Variants in NRDE2 observed in about 807,000 individuals in gnomAD.
The protein encoded by NRDE2 is NRDE-2, necessary for RNA interference, domain containing.
A neutral mutation model predicts 124.2 loss-of-function variants in NRDE2; 76 were observed. That is an observed-to-expected ratio of 0.61 (90% CI 0.51 to 0.74). The LOEUF is 0.74. Among genes scored for constraint, NRDE2 ranks in the 30% least tolerant of loss-of-function variants. NRDE2 has a pLI of 0.00. For synonymous variants in NRDE2, 489 were observed against 528.1 expected (o/e 0.93, Z 1.01); for missense variants, 1,314 against 1,417.3 (o/e 0.93, Z 1.17).
chr14:90,282,679 T>C (rs1204291147), intron 12 of NRDE2, among the ~76,000 whole-genome samples: 1 of 152,142 alleles, frequency 6.6e-6, no homozygotes, highest in Non-Finnish European at 1.5e-5. Context: ...CAAACTTTTT[T>C]TTTTTGAGAT....
In NRDE2 at chr14:90,303,981, TC is replaced by T. The variant is rs1264175875; in HGVS notation, c.958del (p.Glu320ArgfsTer20). On this transcript the variant is annotated frameshift_variant, in exon 5 of 14. Coordinates refer to ENST00000354366, the MANE Select transcript of NRDE2 (RefSeq NM_017970.4). LOFTEE classifies it high-confidence loss of function. ...KVEEFNRRVR[E>X]NPRDTQLWMA... ...CCACAGCTGCGTATCCCGAGGATTC[TC>T]CCGCACCCTCCTGTTAAACTCCTCC... 1 of 1,613,888 alleles carries T rather than the reference TC, an allele frequency of 6.2e-7. No individual in the cohort carries two copies.
chr14:90,285,593 T>A lies in NRDE2; in HGVS notation c.3297+761A>T, dbSNP rs148982713. 7.2e-3 allele frequency among the ~76,000 whole-genome samples: 1,088 copies of A among 151,668 alleles called. 21 individuals are homozygous for A. Among genetic ancestry groups the A allele is most frequent in the African/African-American group, 0.025 (1,055 of 41,414 alleles). ...CTGGGATTACAGGCATGAGCCACCA[T>A]GCCCAGCCGGAAATGTTGATTTTAA... On this transcript the variant is annotated intron_variant, in intron 12 of 13. Transcript: ENST00000354366.
At chr14:90,305,247 A>C (rs1360703420) in intron 4 of NRDE2, among the ~76,000 whole-genome samples, 1 of 152,226 alleles carries the variant, frequency 6.6e-6, no homozygotes, top group Non-Finnish European at 1.5e-5. Flanking sequence ...GAACAGTGTT[A>C]ATATTTAAAA....
At position 90,272,659 on chromosome 14, in the gene NRDE2, C is replaced by A; in HGVS notation, c.*5677G>T. 3 of 327,626 alleles carry A rather than the reference C, an allele frequency of 9.2e-6. No homozygotes were observed. The highest frequency in any genetic ancestry group is 1.8e-5 in the Non-Finnish European group (3 of 169,406). 20.3% of individuals were successfully genotyped at this position (327,626 alleles called of 1,614,324 possible). ...TTCTGCAGTCTCCACACACACCTAC[C>A]GCTCAACAGCAGCCTGTGGGTGGAC... is the stretch of plus-strand genomic sequence containing the variant. On this transcript the variant is annotated 3_prime_UTR_variant, in exon 14 of 14. Coordinates refer to ENST00000354366, the MANE Select transcript of NRDE2 (RefSeq NM_017970.4). The surrounding 1 kb of genome is among the most constrained non-coding windows in gnomAD (Gnocchi z 4.5).
chr14:90,331,223 T>C (rs1885686199), intron 1 of NRDE2, among the ~76,000 whole-genome samples: 2 of 152,206 alleles, frequency 1.3e-5, no homozygotes, highest in South Asian at 2.1e-4. Context: ...AAATGAACTA[T>C]GTACCCCAAT....
At chr14:90,301,404 T>C (rs778881940) in intron 6 of NRDE2, 32 bp from the exon 7 acceptor site, 1 of 1,609,506 alleles carries the variant, frequency 6.2e-7, no homozygotes. Context: ...GGAAGAAGCC[T>C]GGTTGATACC....
Position 90,271,731 on chromosome 14 carries a change from C to CT in NRDE2, c.*6604dup, listed in dbSNP as rs1343068123. 1 of 152,210 alleles carries CT rather than the reference C, an allele frequency of 6.6e-6. No individual in the cohort carries two copies. The highest frequency in any genetic ancestry group is 2.4e-5 in the African/African-American group (1 of 41,408). 9.4% of individuals were successfully genotyped at this position (152,210 alleles called of 1,614,324 possible). ...TGAGCCAAAACTAGAACCCACAGCC[C>CT]TGACCCTTGGGTCAGTCTTAGTTAC... On this transcript the variant is annotated 3_prime_UTR_variant, in exon 14 of 14. Transcript: ENST00000354366.
chr14:90,318,228 G>A (rs898197411), intron 1 of NRDE2, 115 bp from the exon 2 acceptor site: 22 of 735,620 alleles, frequency 3.0e-5, no homozygotes, highest in Middle Eastern at 5.4e-4. Context: ...CCAGCCAGAC[G>A]TTTTGAACAG....
At position 90,278,003 on chromosome 14, in the gene NRDE2, GC is replaced by G. The variant is rs1891844094; in HGVS notation, c.*332del. 1 of 208,398 alleles carries G rather than the reference GC, an allele frequency of 4.8e-6. No individual in the cohort carries two copies. The highest frequency in any genetic ancestry group is 5.1e-5 in the Admixed American group (1 of 19,782). The allele number at this position is 208,398 out of a possible 1,614,324, so 12.9% of individuals were successfully genotyped here. A position where few individuals can be genotyped will look rare whatever the true frequency, so the allele number is the denominator to read the frequency against. On this transcript the variant is annotated 3_prime_UTR_variant, in exon 14 of 14. Transcript: ENST00000354366. ...CCAGCGGAGGGAACACATTCACCGT[GC>G]GGGGGCCAGTGCTGGCTGCGCACAG...
intron 9 of NRDE2, among the ~76,000 whole-genome samples, chr14:90,291,000 T>C (rs1432202224): frequency 2.0e-5 from 3 of 152,242 alleles, no homozygotes; most frequent in Non-Finnish European, 4.4e-5. Context: ...AAATTTGTAT[T>C]GTAAGATGGA....
At chr14:90,299,644 G>A (rs978320712) in intron 7 of NRDE2, among the ~76,000 whole-genome samples, 1 of 152,262 alleles carries the variant, frequency 6.6e-6, no homozygotes, top group African/African-American at 2.4e-5. Flanking sequence ...CCTGGGCAAT[G>A]CCACACACGC....
intron 2 of NRDE2, among the ~76,000 whole-genome samples, chr14:90,317,047 A>T (rs1885072789): frequency 6.6e-6 from 1 of 152,196 alleles, no homozygotes; most frequent in Admixed American, 6.5e-5. Flanking sequence ...TTCTAAACCT[A>T]TACTTTCTTA....
chr14:90,272,414 A>G lies in NRDE2; in HGVS notation c.*5922T>C. 3.3e-6 allele frequency: 5 copies of G among 1,536,816 alleles called. No homozygotes were observed. Among genetic ancestry groups the G allele is most frequent in the African/African-American group, 1.4e-5 (1 of 71,464 alleles). On this transcript the variant is annotated 3_prime_UTR_variant, in exon 14 of 14. Transcript: ENST00000354366. The surrounding 1 kb of genome is among the most constrained non-coding windows in gnomAD (Gnocchi z 4.5). ...TGAGGGGCTGTATCTCTAATGAACC[A>G]TGGCTGTCATCAGGAAAATGGTTGG...
Position 90,304,075 on chromosome 14 carries a change from G to A in NRDE2, c.865C>T (p.Pro289Ser). ...TCTGGCTGCTTTGATTCCTGCTCTG[G>A]AGGACCCTGTCCTTGTAGCCAATGT... Reference protein sequence around the residue: ...TTHWLQGQGPPEQESKQPDAQ... With the variant: ...TTHWLQGQGPSEQESKQPDAQ... The change falls in exon 5 of 14, where the codon CCA becomes TCA. Residue 289 changes from proline (P) to serine (S), a missense_variant. Physicochemically the swap from Pro to Ser is moderately conservative, Grantham distance 74 (BLOSUM62 -1). Coordinates refer to ENST00000354366, the MANE Select transcript of NRDE2 (RefSeq NM_017970.4). 3 of 1,614,208 alleles carry A rather than the reference G, an allele frequency of 1.9e-6. No homozygotes were observed. Among genetic ancestry groups the A allele is most frequent in the Non-Finnish European group, 2.5e-6 (3 of 1,180,028 alleles).
intron 7 of NRDE2, 65 bp downstream of exon 7, chr14:90,301,174 C>A: frequency 6.4e-7 from 1 of 1,552,094 alleles, no homozygotes; most frequent in South Asian, 1.1e-5. Context: ...ATTATCCACA[C>A]CTTCCCCCTC....
At chr14:90,301,843 T>A (rs1260953949) in intron 6 of NRDE2, 1 of 455,564 alleles carries the variant, frequency 2.2e-6, no homozygotes, top group Non-Finnish European at 4.4e-6. Flanking sequence ...ACATTCCAGT[T>A]CATCTTACTT....
chr14:90,308,985 G>T (rs528396670), intron 4 of NRDE2, among the ~76,000 whole-genome samples: 1 of 152,224 alleles, frequency 6.6e-6, no homozygotes, highest in African/African-American at 2.4e-5. Flanking sequence ...GCTCATGCCT[G>T]TAATCCCAGC....
intron 10 of NRDE2, 56 bp from the exon 11 acceptor site, chr14:90,289,201 G>A (rs1357529036): frequency 2.1e-6 from 3 of 1,410,194 alleles, no homozygotes; most frequent in South Asian, 2.7e-5. Context: ...GGCGTCCTCT[G>A]CTGCCAACTG....
intron 4 of NRDE2, among the ~76,000 whole-genome samples, chr14:90,308,554 T>C (rs568987524): frequency 1.3e-5 from 2 of 152,138 alleles, no homozygotes; most frequent in South Asian, 4.1e-4. Flanking sequence ...AAAAAGACAA[T>C]GATCATATCC....
Sources: gnomAD v4.1 joint callset for allele counts (sites outside exome capture counted in the v4.1 genomes callset) on GRCh38, gnomAD v4.1.1 for gene constraint, Gnocchi (gnomAD v3.1) non-coding constraint, MANE v1.5 for transcripts, NCBI Gene and HGNC (gene_info 2026-07-23, HGNC 2026-07-21) for gene names.